Variants in FUCA2 observed in about 807,000 individuals in gnomAD.
FUCA2 encodes the protein alpha-L-fucosidase 2, also known as plasma alpha-L-fucosidase.
Under a neutral mutation model 52.6 loss-of-function variants are expected in FUCA2, and 41 were observed. The observed-to-expected ratio is 0.78, with a 90% CI of 0.61 to 1.01. The LOEUF is 1.01. FUCA2 is among the 50% of genes least tolerant of loss of function. FUCA2 has a pLI of 0.00. For synonymous variants in FUCA2, 211 were observed against 217.3 expected (o/e 0.97, Z 0.26); for missense variants, 507 against 569.5 (o/e 0.89, Z 1.12).
chr6:143,506,109 AT>A (rs1221908835), intron 2 of FUCA2: 23 of 151,662 alleles, frequency 1.5e-4, no homozygotes, highest in Admixed American at 1.4e-3. Flanking sequence ...AAAATATCCT[AT>A]GATCATTCCA....
chr6:143,508,623 A>G (rs1394130039), intron 1 of FUCA2, among the ~76,000 whole-genome samples: 1 of 152,188 alleles, frequency 6.6e-6, no homozygotes, highest in African/African-American at 2.4e-5. Context: ...GGGACTGTGG[A>G]AATGGTTTCC....
Position 143,504,893 on chromosome 6 carries a change from T to C in FUCA2, c.413-641A>G, listed in dbSNP as rs532979757. ...CCTACTATTCCCAATAGTTCTATAC[T>C]TTAAAATATACTCACCACGTGTAAT... On this transcript the variant is annotated intron_variant, in intron 2 of 6. Transcript: ENST00000002165. This position sits in a 1 kb window ranked among gnomAD's most constrained non-coding sequence, Gnocchi z 4.4. The C allele has an allele frequency of 2.6e-5, 4 of 152,320 alleles. No homozygotes were observed. In the East Asian group the frequency reaches 7.7e-4, roughly 29 times the overall value. 9.4% of individuals were successfully genotyped at this position (152,320 alleles called of 1,614,324 possible).
In FUCA2 at chr6:143,511,650, G is replaced by T; in HGVS notation, c.-16C>A. On this transcript the variant is annotated 5_prime_UTR_variant, in exon 1 of 7. Coordinates refer to ENST00000002165, the MANE Select transcript of FUCA2 (RefSeq NM_032020.5). The surrounding 1 kb of genome is among the most constrained non-coding windows in gnomAD (Gnocchi z 6.3). ...GGGGCCGCATGTCCCGGCGCAGGCCGGCTGTCCTCTCTGCAGGCTCCCGCG... is the reference window on the plus strand; with the variant it reads ...GGGGCCGCATGTCCCGGCGCAGGCCTGCTGTCCTCTCTGCAGGCTCCCGCG... The T allele has an allele frequency of 6.7e-7, 1 of 1,492,084 alleles. No individual in the cohort carries two copies. Among genetic ancestry groups the T allele is most frequent in the Non-Finnish European group, 8.9e-7 (1 of 1,121,380 alleles). 92.4% of individuals were successfully genotyped at this position (1,492,084 alleles called of 1,614,324 possible).
At chr6:143,506,200 T>C (rs1284631480) in intron 2 of FUCA2, 10 of 149,816 alleles carry the variant, frequency 6.7e-5, no homozygotes, top group African/African-American at 1.7e-4. Flanking sequence ...CCGTTTTTTT[T>C]TTTTTTTTTT....
At chr6:143,508,963 C>T (rs1008564147) in intron 1 of FUCA2, among the ~76,000 whole-genome samples, 12 of 152,170 alleles carry the variant, frequency 7.9e-5, no homozygotes, top group African/African-American at 2.9e-4. Context: ...GATCATACCA[C>T]ACCACAGCCT....
rs545893870 is a variant in FUCA2, at chr6:143,511,328, C to G, written c.224+83G>C. On this transcript the variant is annotated intron_variant, in intron 1 of 6. Transcript: ENST00000002165. The surrounding 1 kb of genome is among the most constrained non-coding windows in gnomAD (Gnocchi z 6.3). ...CGAGGGTGCAGGCAGCACCAGGCGG[C>G]GAACCAGGCCCGCTGGGTGGTGGCT... 1 of 1,332,556 alleles carries G rather than the reference C, an allele frequency of 7.5e-7. No homozygotes were observed. Among genetic ancestry groups the G allele is most frequent in the African/African-American group, 1.5e-5 (1 of 67,264 alleles). The allele number at this position is 1,332,556 out of a possible 1,614,324, so 82.5% of individuals were successfully genotyped here.
rs1250789019 is a variant in FUCA2 at position 143,502,493 on chromosome 6, A to G, written c.825T>C (p.Tyr275=). ...AGSICKHGGF[Y]TCSDRYNPGH... ...CTGGGTTATAACGATCACTGCAGGT[A>G]TAGAAGCCACCATGCTTACAGATGC... The change falls in exon 4 of 7, where the codon TAT becomes TAC. Residue 275 remains tyrosine (Y), a synonymous_variant. Coordinates refer to ENST00000002165, the MANE Select transcript of FUCA2 (RefSeq NM_032020.5). The surrounding 1 kb of genome is among the most constrained non-coding windows in gnomAD (Gnocchi z 4.1). 1.2e-6 allele frequency: 2 copies of G among 1,614,030 alleles called. No individual in the cohort carries two copies. The highest frequency in any genetic ancestry group is 4.5e-5 in the East Asian group (2 of 44,898).
chr6:143,511,470 G>T lies in FUCA2; in HGVS notation c.165C>A (p.Phe55Leu), dbSNP rs750571718. Residue 55 changes from phenylalanine to leucine, a missense_variant, in exon 1 of 7, where the codon TTC (phenylalanine) becomes TTA (leucine). Transcript: ENST00000002165. The surrounding 1 kb of genome is among the most constrained non-coding windows in gnomAD (Gnocchi z 6.3). ...QLPAWFDQAK[F>L]GIFIHWGVFS... ...ACACTCCCCAGTGGATGAAGATGCC[G>T]AACTTGGCCTGGTCAAACCACGCGG... is the stretch of plus-strand genomic sequence containing the variant. 45 of 1,609,304 alleles carry T rather than the reference G, an allele frequency of 2.8e-5. No individual in the cohort carries two copies. The highest frequency in any genetic ancestry group is 3.7e-5 in the Non-Finnish European group (44 of 1,177,968).
chr6:143,501,854 C>T lies in FUCA2; in HGVS notation c.1154+78G>A. ...GAATTCATCCAATTTCTCTTTTTAT[C>T]CTACTCTTCTTTATATGTCTGATAA... On this transcript the variant is annotated intron_variant, in intron 5 of 6. Transcript: ENST00000002165. This position sits in a 1 kb window ranked among gnomAD's most constrained non-coding sequence, Gnocchi z 6.1. The T allele has an allele frequency of 7.7e-7, 1 of 1,297,692 alleles. No individual in the cohort carries two copies. 80.4% of individuals were successfully genotyped at this position (1,297,692 alleles called of 1,614,324 possible).
chr6:143,495,033 G>T lies in FUCA2; in HGVS notation c.*674C>A. On this transcript the variant is annotated 3_prime_UTR_variant, in exon 7 of 7. Coordinates refer to ENST00000002165, the MANE Select transcript of FUCA2 (RefSeq NM_032020.5). This position sits in a 1 kb window ranked among gnomAD's most constrained non-coding sequence, Gnocchi z 5.2. ...TCCTAGGCCTTCACATTCACTCACT[G>T]ACTCACCCAGAGCAACTTCCAGTCC... The T allele has an allele frequency of 2.6e-5, 4 of 153,142 alleles. No individual in the cohort carries two copies. In the South Asian group the frequency reaches 7.8e-4, roughly 30 times the overall value. The allele number at this position is 153,142 out of a possible 1,614,324, so 9.5% of individuals were successfully genotyped here. A position where few individuals can be genotyped will look rare whatever the true frequency, so the allele number is the denominator to read the frequency against.
Position 143,503,982 on chromosome 6 carries a change from T to G in FUCA2, c.683A>C (p.Asp228Ala). The change falls in exon 3 of 7, where the codon GAT becomes GCT. Residue 228 changes from aspartate (D) to alanine (A), a missense_variant. Transcript: ENST00000002165. This position sits in a 1 kb window ranked among gnomAD's most constrained non-coding sequence, Gnocchi z 4.8. ...NNYQPEVLWS[D>A]GDGGAPDQYW... is the part of the protein sequence containing the mutation. ...TTGATCCGGTGCTCCTCCGTCACCA[T>G]CCGACCACAGAACCTCAGGCTGATA... 1 of 1,614,166 alleles carries G rather than the reference T, an allele frequency of 6.2e-7. No homozygotes were observed. The highest frequency in any genetic ancestry group is 8.5e-7 in the Non-Finnish European group (1 of 1,180,022).
chr6:143,497,288 A>G lies in FUCA2; in HGVS notation c.1263+101T>C, dbSNP rs1324481216. 1 of 754,106 alleles carries G rather than the reference A, an allele frequency of 1.3e-6. No homozygotes were observed. The allele number at this position is 754,106 out of a possible 1,614,324, so 46.7% of individuals were successfully genotyped here. A position where few individuals can be genotyped will look rare whatever the true frequency, so the allele number is the denominator to read the frequency against. On this transcript the variant is annotated intron_variant, in intron 6 of 6. Coordinates refer to ENST00000002165, the MANE Select transcript of FUCA2 (RefSeq NM_032020.5). The surrounding 1 kb of genome is among the most constrained non-coding windows in gnomAD (Gnocchi z 5.3). Reference sequence around the variant, plus strand: ...AGCTCATTTACAATTCCTTTTATGAAGTATAAGTGAAACAGTTATAAGGCT... The same window carrying G: ...AGCTCATTTACAATTCCTTTTATGAGGTATAAGTGAAACAGTTATAAGGCT...
Position 143,497,249 on chromosome 6 carries a change from C to T in FUCA2, c.1263+140G>A, listed in dbSNP as rs1780471960. 1.9e-5 allele frequency: 12 copies of T among 638,256 alleles called. 2 individuals carry two copies. Among genetic ancestry groups the T allele is most frequent in the South Asian group, 1.5e-4 (8 of 53,590 alleles). The allele number at this position is 638,256 out of a possible 1,614,324, so 39.5% of individuals were successfully genotyped here. A position where few individuals can be genotyped will look rare whatever the true frequency, so the allele number is the denominator to read the frequency against. Reference sequence around the variant, plus strand: ...AGTGCTGGAATTACAGTGTGAGCCACAATGCTTGGCTGGAGCTCATTTACA... The same window carrying T: ...AGTGCTGGAATTACAGTGTGAGCCATAATGCTTGGCTGGAGCTCATTTACA... On this transcript the variant is annotated intron_variant, in intron 6 of 6. Transcript: ENST00000002165. The surrounding 1 kb of genome is among the most constrained non-coding windows in gnomAD (Gnocchi z 5.3).
Position 143,504,351 on chromosome 6 carries a change from T to C in FUCA2, c.413-99A>G. On this transcript the variant is annotated intron_variant, in intron 2 of 6. Transcript: ENST00000002165. The surrounding 1 kb of genome is among the most constrained non-coding windows in gnomAD (Gnocchi z 4.4). Reference sequence around the variant, plus strand: ...CAAACAAATCACATAGTACATGCGATATATAAATACCTGCTCCTACAAATG... The same window carrying C: ...CAAACAAATCACATAGTACATGCGACATATAAATACCTGCTCCTACAAATG... 2.1e-6 allele frequency: 2 copies of C among 962,412 alleles called. No individual in the cohort carries two copies. The highest frequency in any genetic ancestry group is 4.8e-5 in the East Asian group (2 of 41,310). The allele number at this position is 962,412 out of a possible 1,614,324, so 59.6% of individuals were successfully genotyped here.
chr6:143,505,384 C>T (rs1031575805), intron 2 of FUCA2: 1 of 137,374 alleles, frequency 7.3e-6, no homozygotes, highest in Non-Finnish European at 1.5e-5. Context: ...GTGCGAACTT[C>T]GCTCACTGCA....
intron 5 of FUCA2, among the ~76,000 whole-genome samples, chr6:143,498,855 G>A (rs1202195448): frequency 6.6e-6 from 1 of 152,174 alleles, no homozygotes; most frequent in African/African-American, 2.4e-5. Context: ...GCAGGGGCGA[G>A]ACAATGGAAA....
rs1156553385 is a variant in FUCA2 at position 143,502,690 on chromosome 6, A to G, written c.753-125T>C. On this transcript the variant is annotated intron_variant, in intron 3 of 6. Coordinates refer to ENST00000002165, the MANE Select transcript of FUCA2 (RefSeq NM_032020.5). This position sits in a 1 kb window ranked among gnomAD's most constrained non-coding sequence, Gnocchi z 4.1. ...AAGGGACCATGGCATAGTACAGTGG[A>G]AAGCCCATGGTTTTGAAGTCAAACA... The G allele has an allele frequency of 3.7e-6, 3 of 807,600 alleles. No individual in the cohort carries two copies. The highest frequency in any genetic ancestry group is 5.9e-5 in the Admixed American group (2 of 33,878). 50.0% of individuals were successfully genotyped at this position (807,600 alleles called of 1,614,324 possible).
rs1352259206 is a variant in FUCA2 at position 143,509,017 on chromosome 6, G to A, written c.225-1593C>T. 2.6e-5 allele frequency among the ~76,000 whole-genome samples: 4 copies of A among 152,236 alleles called. No individual in the cohort carries two copies. In the East Asian group the frequency reaches 7.7e-4, roughly 29 times the overall value. On this transcript the variant is annotated intron_variant, in intron 1 of 6. Transcript: ENST00000002165. The surrounding 1 kb of genome is among the most constrained non-coding windows in gnomAD (Gnocchi z 5.4). ...CGATCGTCCCACCTCACCCTCCTGA[G>A]TATCTGGGACTACGGGCATTACATT...
rs1309125978 is a variant in FUCA2 at position 143,509,113 on chromosome 6, A to G, written c.225-1689T>C. On this transcript the variant is annotated intron_variant, in intron 1 of 6. Coordinates refer to ENST00000002165, the MANE Select transcript of FUCA2 (RefSeq NM_032020.5). This position sits in a 1 kb window ranked among gnomAD's most constrained non-coding sequence, Gnocchi z 5.4. ...ACAAGAATAAGGAATTTCTCCTAGC[A>G]TCATCTAATTTGAACCTGCACTGTC... 6.6e-6 allele frequency among the ~76,000 whole-genome samples: 1 copy of G among 152,230 alleles called. No individual in the cohort carries two copies. Among genetic ancestry groups the G allele is most frequent in the Non-Finnish European group, 1.5e-5 (1 of 68,032 alleles).
Sources: gnomAD v4.1 joint callset for allele counts (sites outside exome capture counted in the v4.1 genomes callset) on GRCh38, gnomAD v4.1.1 for gene constraint, Gnocchi (gnomAD v3.1) non-coding constraint, MANE v1.5 for transcripts, NCBI Gene and HGNC (gene_info 2026-07-23, HGNC 2026-07-21) for gene names.